PARD3B: variants seen among roughly 807,000 people sequenced by gnomAD.
The protein encoded by PARD3B is partitioning defective 3 homolog B.
In PARD3B, 103 loss-of-function variants were observed where a neutral mutation model predicts 130.2. The observed-to-expected ratio is 0.79, with a 90% CI of 0.67 to 0.93. PARD3B has a LOEUF of 0.93. Ranked by LOEUF, PARD3B falls within the 40% of genes least tolerant of loss-of-function variation. The pLI, the probability that PARD3B is intolerant of heterozygous loss-of-function variation, is 0.00. For missense variants in PARD3B, 1,609 were observed against 1,499.2 expected (o/e 1.07, Z -1.21); for synonymous variants, 583 against 553.2 (o/e 1.05, Z -0.76).
chr2:205,494,694 G>A (rs1190072909), intron 20 of PARD3B, among the ~76,000 whole-genome samples: 1 of 152,088 alleles, frequency 6.6e-6, no homozygotes, highest in East Asian at 1.9e-4. Context: ...AATTCCCTCT[G>A]CCTTGAAATG....
At chr2:205,555,983 A>G (rs1201168506) in intron 22 of PARD3B, among the ~76,000 whole-genome samples, 1 of 152,174 alleles carries the variant, frequency 6.6e-6, no homozygotes, top group Non-Finnish European at 1.5e-5. Flanking sequence ...AGGTATGCAG[A>G]TGCTGCTCTG....
At chr2:205,237,421 T>A (rs1016295431) in intron 15 of PARD3B, among the ~76,000 whole-genome samples, 2 of 152,138 alleles carry the variant, frequency 1.3e-5, no homozygotes, top group Non-Finnish European at 2.9e-5. Context: ...CTTACACATA[T>A]TGGTATTTTT....
At chr2:204,705,619 T>G (rs2038104219) in intron 2 of PARD3B, among the ~76,000 whole-genome samples, 1 of 152,212 alleles carries the variant, frequency 6.6e-6, no homozygotes, top group Non-Finnish European at 1.5e-5. Context: ...TTAACTTCTA[T>G]TTAATAGATG....
At chr2:205,040,168 T>C (rs1698292592) in intron 3 of PARD3B, among the ~76,000 whole-genome samples, 1 of 152,164 alleles carries the variant, frequency 6.6e-6, no homozygotes, top group African/African-American at 2.4e-5. Flanking sequence ...TTCACCATAT[T>C]GGCCAGGCTG....
chr2:205,298,642 A>G (rs888423426), intron 16 of PARD3B, among the ~76,000 whole-genome samples: 2 of 152,148 alleles, frequency 1.3e-5, no homozygotes, highest in Non-Finnish European at 2.9e-5. Flanking sequence ...TATATTGTTC[A>G]AAGTGCAAAG....
intron 18 of PARD3B, among the ~76,000 whole-genome samples, chr2:205,372,472 C>T (rs191155366): frequency 2.6e-5 from 4 of 152,058 alleles, no homozygotes; most frequent in African/African-American, 4.8e-5. Flanking sequence ...TTGTATATTT[C>T]CTTTGAAGAA....
chr2:204,788,383 A>C (rs981184837), intron 2 of PARD3B, among the ~76,000 whole-genome samples: 32 of 152,254 alleles, frequency 2.1e-4, no homozygotes, highest in African/African-American at 7.0e-4. Context: ...TAGACCTCAC[A>C]TTGTACAAAA....
intron 1 of PARD3B, among the ~76,000 whole-genome samples, chr2:204,605,473 A>G (rs1370309548): frequency 6.6e-6 from 1 of 152,190 alleles, no homozygotes; most frequent in Non-Finnish European, 1.5e-5. Flanking sequence ...TCCGTTTTAT[A>G]TATGGCACAA....
chr2:205,571,110 G>T (rs988016447), intron 22 of PARD3B, among the ~76,000 whole-genome samples: 13 of 152,156 alleles, frequency 8.5e-5, no homozygotes, highest in African/African-American at 3.1e-4. Flanking sequence ...GAGGGCAAAT[G>T]TGTTTTATTC....
intron 10 of PARD3B, among the ~76,000 whole-genome samples, chr2:205,138,531 G>T (rs1464834867): frequency 6.6e-6 from 1 of 152,146 alleles, no homozygotes; most frequent in East Asian, 1.9e-4. Context: ...TTTAAATGCT[G>T]AAATTATCAA....
At chr2:205,208,365 C>A in intron 15 of PARD3B, among the ~76,000 whole-genome samples, 1 of 125,496 alleles carries the variant, frequency 8.0e-6, no homozygotes, top group Non-Finnish European at 1.6e-5. Flanking sequence ...GAAGTTCTGG[C>A]CAGGGCAATC....
At chr2:205,499,475 AGC>A (rs1488277259) in intron 20 of PARD3B, among the ~76,000 whole-genome samples, 1 of 152,162 alleles carries the variant, frequency 6.6e-6, no homozygotes, top group Admixed American at 6.5e-5. Context: ...AACATATTCC[AGC>A]CCTGTCTCAT....
chr2:204,894,875 T>G (rs2046586197), intron 2 of PARD3B, among the ~76,000 whole-genome samples: 1 of 152,052 alleles, frequency 6.6e-6, no homozygotes, highest in African/African-American at 2.4e-5. Flanking sequence ...AAGAATGCCT[T>G]TGGTCCATAA....
intron 2 of PARD3B, among the ~76,000 whole-genome samples, chr2:204,728,275 C>T (rs964031869): frequency 3.2e-4 from 49 of 152,080 alleles, no homozygotes; most frequent in African/African-American, 1.2e-3. Flanking sequence ...GGGTAAGTGA[C>T]TGCCCCACAA....
intron 19 of PARD3B, among the ~76,000 whole-genome samples, chr2:205,428,558 A>G (rs1208205157): frequency 2.0e-5 from 3 of 152,154 alleles, no homozygotes. Context: ...ATCCATTTCT[A>G]TTATTTATTT....
intron 2 of PARD3B, among the ~76,000 whole-genome samples, chr2:204,831,540 T>C (rs1174077564): frequency 6.6e-6 from 1 of 152,166 alleles, no homozygotes; most frequent in African/African-American, 2.4e-5. Flanking sequence ...AAGTAGAAGA[T>C]GGTAATGTTC....
chr2:205,220,733 T>C (rs2038192503), intron 15 of PARD3B, among the ~76,000 whole-genome samples: 2 of 152,166 alleles, frequency 1.3e-5, no homozygotes, highest in African/African-American at 4.8e-5. Context: ...TGGGAGGACC[T>C]CTCTGATAAG....
intron 1 of PARD3B, among the ~76,000 whole-genome samples, chr2:204,575,231 C>T (rs1012423691): frequency 3.9e-5 from 6 of 152,138 alleles, no homozygotes; most frequent in Admixed American, 1.3e-4. Flanking sequence ...ACATTCATTG[C>T]TGTGTGTCTC....
rs567646931 is a variant in PARD3B, at chr2:205,303,878, A to AC, written c.2630+2181dup. ...TTTGTTGGGTGTTACAGGCAGAAGTACCCCTTTCTATTACTGTCTTTACTC... is the reference window on the plus strand; with the variant it reads ...TTTGTTGGGTGTTACAGGCAGAAGTACCCCCTTTCTATTACTGTCTTTACTC... On this transcript the variant is annotated intron_variant, in intron 18 of 22. Transcript: ENST00000406610. Among the ~76,000 whole-genome samples the AC allele has an allele frequency of 5.6e-4, 85 of 152,286 alleles. 2 individuals are homozygous for AC. The East Asian group carries it at 0.015, about 27-fold the overall frequency.
Sources: gnomAD v4.1 joint callset for allele counts (sites outside exome capture counted in the v4.1 genomes callset) on GRCh38, gnomAD v4.1.1 for gene constraint, MANE v1.5 for transcripts, NCBI Gene and HGNC (gene_info 2026-07-23, HGNC 2026-07-21) for gene names.